Variants in IFNGR2 observed in about 807,000 individuals in gnomAD.
IFNGR2 encodes the protein IFN-gamma receptor 2.
Under a neutral mutation model 41.1 loss-of-function variants are expected in IFNGR2, and 15 were observed. The ratio of observed to expected loss-of-function variants is 0.37; its 90% confidence interval spans 0.24 to 0.56. The LOEUF is 0.56. IFNGR2 is among the 20% of genes least tolerant of loss of function. The pLI is 0.81. For synonymous variants in IFNGR2, 161 were observed against 171.6 expected, an observed-to-expected ratio of 0.94 and a Z score of 0.48; for missense variants, 362 against 415.7, an observed-to-expected ratio of 0.87 and a Z score of 1.12.
In IFNGR2 at chr21:33,403,570, G is replaced by T; in HGVS notation, c.27G>T (p.Leu9=). MRPTLLWS[L]LLLLGVFAAA... ...TGCGACCGACGCTGCTGTGGTCGCT[G>T]CTGCTGCTGCTCGGAGTCTTCGCCG... The change falls in exon 1 of 7, where the codon CTG becomes CTT. Residue 9 remains leucine (L), a synonymous_variant. Coordinates refer to ENST00000290219, the MANE Select transcript of IFNGR2 (RefSeq NM_005534.4). 1 of 1,370,080 alleles carries T rather than the reference G, an allele frequency of 7.3e-7. No homozygotes were observed. The highest frequency in any genetic ancestry group is 9.5e-7 in the Non-Finnish European group (1 of 1,056,576). 84.9% of individuals were successfully genotyped at this position (1,370,080 alleles called of 1,614,324 possible).
intron 4 of IFNGR2, among the ~76,000 whole-genome samples, chr21:33,428,640 T>C (rs2083860202): frequency 1.3e-5 from 2 of 152,178 alleles, no homozygotes; most frequent in Non-Finnish European, 2.9e-5. Flanking sequence ...GAGCTCAAGA[T>C]CTGGGTCGAT....
In IFNGR2 at chr21:33,432,295, G is replaced by C. The variant is rs1267398944; in HGVS notation, c.680G>C (p.Gly227Ala). The part of the protein sequence containing the change: ...LWNKSNIFRV[G>A]HLSNISCYET... ...AACAAAAGTAACATCTTTAGAGTCG[G>C]GCATTTAAGCAACATATCTTGCTAC... The change falls in exon 5 of 7, where the codon GGG becomes GCG. Residue 227 changes from glycine (G) to alanine (A), a missense_variant. Gly to Ala is a moderately conservative substitution (Grantham distance 60). Coordinates refer to ENST00000290219, the MANE Select transcript of IFNGR2 (RefSeq NM_005534.4). The C allele has an allele frequency of 6.2e-7, 1 of 1,614,066 alleles. No individual in the cohort carries two copies. Among genetic ancestry groups the C allele is most frequent in the Non-Finnish European group, 8.5e-7 (1 of 1,179,948 alleles).
chr21:33,424,243 G>A, intron 3 of IFNGR2, among the ~76,000 whole-genome samples: 1 of 152,030 alleles, frequency 6.6e-6, no homozygotes, highest in East Asian at 1.9e-4. Flanking sequence ...GGAGGTTGCA[G>A]TGGGCCAAGA....
intron 3 of IFNGR2, 119 bp downstream of exon 3, chr21:33,421,804 A>G: frequency 1.2e-6 from 1 of 829,556 alleles, no homozygotes; most frequent in Non-Finnish European, 2.1e-6. Context: ...ACAAATGGGT[A>G]GGACAGTCAA....
intron 2 of IFNGR2, among the ~76,000 whole-genome samples, chr21:33,415,599 C>T (rs527590633): frequency 3.3e-5 from 5 of 152,218 alleles, no homozygotes; most frequent in African/African-American, 1.2e-4. Context: ...TTTTTGTTTA[C>T]GTTGTTAAGT....
chr21:33,421,702 A>G lies in IFNGR2; in HGVS notation c.412+17A>G, dbSNP rs2083794435. 2 of 1,592,464 alleles carry G rather than the reference A, an allele frequency of 1.3e-6. No homozygotes were observed. Among genetic ancestry groups the G allele is most frequent in the South Asian group, 1.1e-5 (1 of 90,622 alleles). ...ATCGGAATGGTAAGAGAACTTGAGT[A>G]TAGAACTTCCTTTATACTTTCCAGG... On this transcript the variant is annotated intron_variant, in intron 3 of 6. Coordinates refer to ENST00000290219, the MANE Select transcript of IFNGR2 (RefSeq NM_005534.4).
At chr21:33,436,750 A>T in intron 6 of IFNGR2, 78 bp from the exon 7 acceptor site, 2 of 1,195,432 alleles carry the variant, frequency 1.7e-6, no homozygotes, top group South Asian at 1.4e-5. Context: ...AATAAAATAA[A>T]AACAAAAACT....
chr21:33,412,863 A>T (rs893839143), intron 1 of IFNGR2, among the ~76,000 whole-genome samples: 2 of 152,078 alleles, frequency 1.3e-5, no homozygotes, highest in Non-Finnish European at 2.9e-5. Context: ...CCAGGAGTTT[A>T]TTTCTATCTT....
intron 4 of IFNGR2, among the ~76,000 whole-genome samples, chr21:33,427,346 G>A (rs970986784): frequency 2.6e-5 from 4 of 152,202 alleles, no homozygotes; most frequent in South Asian, 4.1e-4. Context: ...GTAGTTTGGA[G>A]GAGGTTTTAG....
chr21:33,406,380 A>G (rs935246656), intron 1 of IFNGR2, among the ~76,000 whole-genome samples: 1 of 152,066 alleles, frequency 6.6e-6, no homozygotes, highest in Non-Finnish European at 1.5e-5. Context: ...GTCTCAAAAA[A>G]AGAAAAAAAA....
intron 4 of IFNGR2, among the ~76,000 whole-genome samples, chr21:33,430,254 C>T (rs17644808): frequency 0.021 from 3,170 of 152,328 alleles, 44 homozygotes; most frequent in Non-Finnish European, 0.031. Context: ...AGCTCTTCTG[C>T]AGTCTGTGAC....
Position 33,421,508 on chromosome 21 carries a change from A to G in IFNGR2, c.235A>G (p.Ile79Val). 2 of 1,614,108 alleles carry G rather than the reference A, an allele frequency of 1.2e-6. No homozygotes were observed. Among genetic ancestry groups the G allele is most frequent in the South Asian group, 1.1e-5 (1 of 91,082 alleles). ...CGACAGTAAATGGTTCACGGCCGAC[A>G]TCATGTCCATAGGGGTGAATTGTAC... The part of the protein sequence containing the change: ...YTDSKWFTAD[I>V]MSIGVNCTQI... Residue 79 changes from isoleucine (I) to valine (V), a missense_variant, in exon 3 of 7, where the codon ATC (isoleucine) becomes GTC (valine). By Grantham distance (29) the Ile-to-Val change is conservative (BLOSUM62 3). Transcript: ENST00000290219.
At chr21:33,423,321 G>T (rs1022690913) in intron 3 of IFNGR2, among the ~76,000 whole-genome samples, 1 of 151,838 alleles carries the variant, frequency 6.6e-6, no homozygotes, top group Non-Finnish European at 1.5e-5. Context: ...TTACAGGCGT[G>T]AGCCACCGCA....
At chr21:33,413,558 TG>T (rs1337800558) in intron 1 of IFNGR2, among the ~76,000 whole-genome samples, 1 of 152,204 alleles carries the variant, frequency 6.6e-6, no homozygotes, top group Non-Finnish European at 1.5e-5. Context: ...TTCCACCTTC[TG>T]GGCATTTCTT....
chr21:33,426,783 A>G (rs911597815), intron 3 of IFNGR2, 101 bp from the exon 4 acceptor site: 3 of 595,128 alleles, frequency 5.0e-6, no homozygotes, highest in East Asian at 7.0e-5. Flanking sequence ...CCCACTATAT[A>G]TATATATATA....
In IFNGR2 at chr21:33,432,889, TC is replaced by T. The variant is rs193922682; in HGVS notation, c.879+19del. 0.045 allele frequency: 58,196 copies of T among 1,303,950 alleles called. 337 individuals are homozygous for T. Among genetic ancestry groups the T allele is most frequent in the Non-Finnish European group, 0.048 (46,017 of 950,148 alleles). The allele number at this position is 1,303,950 out of a possible 1,614,324, so 80.8% of individuals were successfully genotyped here. A position where few individuals can be genotyped will look rare whatever the true frequency, so the allele number is the denominator to read the frequency against. ...TAGAAGAGGTACGTGTGCACACATC[TC>T]TTTTTTTTTTTTTGAGACAGGGTCT... is the stretch of plus-strand genomic sequence containing the variant. On this transcript the variant is annotated intron_variant, in intron 6 of 6. Transcript: ENST00000290219.
intron 3 of IFNGR2, among the ~76,000 whole-genome samples, chr21:33,424,601 A>G (rs774132635): frequency 3.3e-5 from 5 of 152,104 alleles, no homozygotes; most frequent in Non-Finnish European, 5.9e-5. Flanking sequence ...TGGTGGTTGG[A>G]GGGGGCAGGC....
chr21:33,432,766 G>A lies in IFNGR2; in HGVS notation c.774G>A (p.Leu258=), dbSNP rs1280277219. 6.8e-6 allele frequency: 11 copies of A among 1,614,040 alleles called. No homozygotes were observed. Among genetic ancestry groups the A allele is most frequent in the African/African-American group, 1.3e-5 (1 of 74,928 alleles). ...VILISVGTFS[L]LSVLAGACFF... Reference sequence around the variant, plus strand: ...TGATCTCCGTGGGAACATTTTCGTTGCTGTCGGTGCTGGCAGGAGCCTGTT... The same window carrying A: ...TGATCTCCGTGGGAACATTTTCGTTACTGTCGGTGCTGGCAGGAGCCTGTT... Residue 258 remains leucine (L), a synonymous_variant, in exon 6 of 7, where the codon TTG becomes TTA. Transcript: ENST00000290219.
At chr21:33,412,608 C>T (rs138128407) in intron 1 of IFNGR2, among the ~76,000 whole-genome samples, 1,806 of 152,214 alleles carry the variant, frequency 0.012, 21 homozygotes, top group Non-Finnish European at 0.019. Context: ...CAGGCTGGAG[C>T]GCAGTGGTGC....
Sources: allele counts gnomAD v4.1 joint callset (sites outside exome capture counted in the v4.1 genomes callset), GRCh38; gene constraint gnomAD v4.1.1; transcripts MANE v1.5; gene names NCBI Gene and HGNC (gene_info 2026-07-23, HGNC 2026-07-21).